Variants in FIP1L1 observed in about 807,000 individuals in gnomAD.
FIP1L1 encodes the protein factor interacting with PAPOLA and CPSF1.
A neutral mutation model predicts 84.6 loss-of-function variants in FIP1L1; 21 were observed. The observed-to-expected ratio is 0.25, with a 90% confidence interval of 0.18 to 0.36. The LOEUF (loss-of-function observed/expected upper bound fraction) is 0.36. Among genes scored for constraint, FIP1L1 ranks in the 10% least tolerant of loss-of-function variants. The probability of loss-of-function intolerance (pLI) is 1.00; values close to 1 mark genes in which losing one functional copy is unlikely to be tolerated. For missense variants in FIP1L1, 526 were observed against 751.1 expected, an observed-to-expected ratio of 0.70 and a Z score of 3.50; for synonymous variants, 263 against 242.3, an observed-to-expected ratio of 1.09 and a Z score of -0.80.
At chr4:53,439,506 A>G (rs1241108634) in intron 13 of FIP1L1, among the ~76,000 whole-genome samples, 1 of 152,064 alleles carries the variant, frequency 6.6e-6, no homozygotes, top group African/African-American at 2.4e-5. Context: ...TAGTGTTAGA[A>G]TATGTTTCCT....
At position 53,382,426 on chromosome 4, in the gene FIP1L1, A is replaced by G. The variant is rs1738588172; in HGVS notation, c.228+91A>G. Reference sequence around the variant, plus strand: ...AGAAAGCAAGCTGGCATTTTACATTACCTTCAGTATCAGGTGTTATCTGGC... The same window carrying G: ...AGAAAGCAAGCTGGCATTTTACATTGCCTTCAGTATCAGGTGTTATCTGGC... On this transcript the variant is annotated intron_variant, in intron 4 of 17. Transcript: ENST00000337488. 14 of 982,208 alleles carry G rather than the reference A, an allele frequency of 1.4e-5. No individual in the cohort carries two copies. In the South Asian group the frequency reaches 1.8e-4, roughly 12 times the overall value. The allele number at this position is 982,208 out of a possible 1,614,324, so 60.8% of individuals were successfully genotyped here. A position where few individuals can be genotyped will look rare whatever the true frequency, so the allele number is the denominator to read the frequency against.
chr4:53,426,245 T>C (rs1251588137), intron 12 of FIP1L1, among the ~76,000 whole-genome samples: 1 of 152,172 alleles, frequency 6.6e-6, no homozygotes, highest in African/African-American at 2.4e-5. Flanking sequence ...GTGTATCAGA[T>C]TTTGAAATGT....
At chr4:53,441,644 G>A (rs1267822266) in intron 13 of FIP1L1, among the ~76,000 whole-genome samples, 2 of 151,914 alleles carry the variant, frequency 1.3e-5, no homozygotes, top group African/African-American at 4.8e-5. Flanking sequence ...GCTAAAAATG[G>A]ATTTAAGTGG....
chr4:53,379,902 G>A (rs1398561214), intron 3 of FIP1L1, among the ~76,000 whole-genome samples: 3 of 152,212 alleles, frequency 2.0e-5, no homozygotes, highest in Non-Finnish European at 4.4e-5. Flanking sequence ...GTCTGTAATG[G>A]AGGGAGAGGT....
In FIP1L1 at chr4:53,460,439, A is replaced by T. The variant is rs1263165773; in HGVS notation, c.*990A>T. On this transcript the variant is annotated 3_prime_UTR_variant, in exon 18 of 18. Transcript: ENST00000337488. ...CAAAAGTAATCTTAATTAGTATCAC[A>T]TACTAAAAGACAACTATAACTTCTG... 1 of 191,182 alleles carries T rather than the reference A, an allele frequency of 5.2e-6. No homozygotes were observed. Among genetic ancestry groups the T allele is most frequent in the Non-Finnish European group, 1.1e-5 (1 of 91,682 alleles). 11.8% of individuals were successfully genotyped at this position (191,182 alleles called of 1,614,324 possible). A position where few individuals can be genotyped will look rare whatever the true frequency, so the allele number is the denominator to read the frequency against.
intron 13 of FIP1L1, among the ~76,000 whole-genome samples, chr4:53,437,652 T>G (rs1769998478): frequency 6.6e-6 from 1 of 151,948 alleles, no homozygotes. Flanking sequence ...GCAATCTGTG[T>G]GTTTTAAGAG....
At chr4:53,417,313 G>A (rs1759913124) in intron 11 of FIP1L1, among the ~76,000 whole-genome samples, 1 of 152,114 alleles carries the variant, frequency 6.6e-6, no homozygotes, top group Non-Finnish European at 1.5e-5. Context: ...GAAATTTGAA[G>A]CTGTATTTTC....
At chr4:53,378,175 T>G in intron 1 of FIP1L1, 4 of 365,178 alleles carry the variant, frequency 1.1e-5, no homozygotes, top group East Asian at 4.0e-5. Flanking sequence ...TGACCGGTCC[T>G]GGCCCCCGGC....
At chr4:53,459,268 A>G in intron 17 of FIP1L1, 34 bp from the exon 18 acceptor site, 1 of 1,404,882 alleles carries the variant, frequency 7.1e-7, no homozygotes, top group South Asian at 1.3e-5. Flanking sequence ...GTATTTAAAC[A>G]GAACACACCT....
rs192394691 is a variant in FIP1L1, at chr4:53,456,752, G to C, written c.1500-1901G>C. Among the ~76,000 whole-genome samples, 155 of 152,182 alleles carry C rather than the reference G, an allele frequency of 1.0e-3. 1 individual carries two copies. Among genetic ancestry groups the C allele is most frequent in the Admixed American group, 2.5e-3 (38 of 15,272 alleles). ...GTGGTTCAGCCACTTATCAGAAAAG[G>C]GGATGGAAGGAGGAGGGTCTTTATA... On this transcript the variant is annotated intron_variant, in intron 16 of 17. Coordinates refer to ENST00000337488, the MANE Select transcript of FIP1L1 (RefSeq NM_030917.4).
chr4:53,458,887 C>T (rs1230082567), intron 17 of FIP1L1, 97 bp downstream of exon 17: 3 of 1,369,640 alleles, frequency 2.2e-6, no homozygotes, highest in Non-Finnish European at 3.0e-6. Context: ...GCCTATGAAC[C>T]AGTCTTGCTT....
At chr4:53,454,605 G>A (rs954028157) in intron 16 of FIP1L1, among the ~76,000 whole-genome samples, 1 of 152,176 alleles carries the variant, frequency 6.6e-6, no homozygotes, top group African/African-American at 2.4e-5. Context: ...CAGATGTGCT[G>A]CCATTCAGGC....
At chr4:53,434,590 G>T (rs570385035) in intron 13 of FIP1L1, among the ~76,000 whole-genome samples, 1 of 151,788 alleles carries the variant, frequency 6.6e-6, no homozygotes, top group Admixed American at 6.6e-5. Context: ...TCCTGCCTCA[G>T]CCTCCCGAGC....
At chr4:53,441,173 T>G (rs1390598304) in intron 13 of FIP1L1, among the ~76,000 whole-genome samples, 1 of 151,904 alleles carries the variant, frequency 6.6e-6, no homozygotes, top group Non-Finnish European at 1.5e-5. Context: ...ATTTATTTAT[T>G]TTTACATTTT....
chr4:53,422,722 A>T (rs56033620), intron 11 of FIP1L1, among the ~76,000 whole-genome samples: 19,055 of 149,396 alleles, frequency 0.13, 1,236 homozygotes, highest in South Asian at 0.15. Flanking sequence ...ATATATATAT[A>T]TTTTTTTTTT....
intron 15 of FIP1L1, among the ~76,000 whole-genome samples, chr4:53,445,183 G>C (rs761034182): frequency 6.6e-6 from 1 of 152,184 alleles, no homozygotes; most frequent in East Asian, 1.9e-4. Flanking sequence ...TCAGAGGGCT[G>C]TGTGGAACCA....
At chr4:53,437,119 G>C (rs1488163579) in intron 13 of FIP1L1, among the ~76,000 whole-genome samples, 1 of 152,080 alleles carries the variant, frequency 6.6e-6, no homozygotes, top group East Asian at 1.9e-4. Flanking sequence ...TTGAGCCCAG[G>C]AGTTTGAGAC....
In FIP1L1 at chr4:53,388,993, A is replaced by G. The variant is rs541372257; in HGVS notation, c.333-816A>G. ...ATCACTGTGTATTATATTACATCTA[A>G]AAAGGTGCAGCTTAATATTTTTTCA... is the stretch of plus-strand genomic sequence containing the variant. On this transcript the variant is annotated intron_variant, in intron 5 of 17. Coordinates refer to ENST00000337488, the MANE Select transcript of FIP1L1 (RefSeq NM_030917.4). Among the ~76,000 whole-genome samples the G allele has an allele frequency of 2.3e-3, 350 of 152,302 alleles. 1 individual carries two copies. The highest frequency in any genetic ancestry group is 0.014 in the Middle Eastern group (4 of 294).
intron 5 of FIP1L1, 112 bp downstream of exon 5, chr4:53,383,988 A>G (rs1739486552): frequency 2.0e-6 from 2 of 981,050 alleles, no homozygotes; most frequent in African/African-American, 3.3e-5. Context: ...TTTCTATTTT[A>G]ACATAAAAGA....
Sources: gnomAD v4.1 joint callset for allele counts (sites outside exome capture counted in the v4.1 genomes callset) on GRCh38, gnomAD v4.1.1 for gene constraint, MANE v1.5 for transcripts, NCBI Gene and HGNC (gene_info 2026-07-23, HGNC 2026-07-21) for gene names.